LAMC1: variants seen among roughly 807,000 people sequenced by gnomAD.
The protein encoded by LAMC1 is laminin subunit gamma 1.
LAMC1 carries 38 observed loss-of-function variants against 173.6 expected under a neutral mutation model. That is an observed-to-expected ratio of 0.22 (90% CI 0.17 to 0.29). The LOEUF (loss-of-function observed/expected upper bound fraction) is 0.29. Among genes scored for constraint, LAMC1 ranks in the 10% least tolerant of loss-of-function variants. The probability of loss-of-function intolerance (pLI) is 1.00; values close to 1 mark genes in which losing one functional copy is unlikely to be tolerated. For missense variants in LAMC1, 1,824 were observed against 2,051.8 expected (o/e 0.89, Z 2.14); for synonymous variants, 746 against 749.1 (o/e 1.00, Z 0.07).
intron 1 of LAMC1, among the ~76,000 whole-genome samples, chr1:183,052,818 G>A (rs553492248): frequency 1.8e-4 from 28 of 152,278 alleles, no homozygotes; most frequent in Non-Finnish European, 3.2e-4. Flanking sequence ...ATGCTTAAGA[G>A]TGTTCATCAA....
intron 1 of LAMC1, 129 bp downstream of exon 1, chr1:183,024,263 C>A: frequency 1.1e-6 from 1 of 878,962 alleles, no homozygotes; most frequent in Non-Finnish European, 1.7e-6. Context: ...CCGGCATGGG[C>A]CACACAGAAA....
At chr1:183,133,647 C>CT (rs1234395571) in intron 22 of LAMC1, 97 bp downstream of exon 22, 2 of 1,199,370 alleles carry the variant, frequency 1.7e-6, no homozygotes, top group Non-Finnish European at 2.3e-6. Context: ...CTCCCACTGA[C>CT]TCGCTGGTAA....
chr1:183,075,222 G>A (rs886244204), intron 1 of LAMC1, among the ~76,000 whole-genome samples: 1 of 151,258 alleles, frequency 6.6e-6, no homozygotes, highest in African/African-American at 2.4e-5. Context: ...ACCTCTCCAG[G>A]CTCACATGAT....
intron 1 of LAMC1, among the ~76,000 whole-genome samples, chr1:183,087,140 C>T (rs1446379297): frequency 1.3e-5 from 2 of 152,130 alleles, no homozygotes; most frequent in African/African-American, 2.4e-5. Flanking sequence ...CAGGGACTCA[C>T]CCTTATTTTA....
At chr1:183,091,687 T>C (rs1199670202) in intron 1 of LAMC1, among the ~76,000 whole-genome samples, 1 of 152,198 alleles carries the variant, frequency 6.6e-6, no homozygotes, top group Non-Finnish European at 1.5e-5. Context: ...CGACACAGAC[T>C]GGGATTAAAC....
chr1:183,034,201 T>C (rs971827522), intron 1 of LAMC1, among the ~76,000 whole-genome samples: 7 of 152,176 alleles, frequency 4.6e-5, no homozygotes, highest in African/African-American at 1.7e-4. Flanking sequence ...ACTTTTTATA[T>C]CCTAAAGATA....
intron 1 of LAMC1, among the ~76,000 whole-genome samples, chr1:183,040,985 G>A (rs142819737): frequency 6.6e-6 from 1 of 152,318 alleles, no homozygotes; most frequent in African/African-American, 2.4e-5. Context: ...CCAGAATGTT[G>A]ATCTGGTGAC....
chr1:183,083,882 T>C (rs752868169), intron 1 of LAMC1, among the ~76,000 whole-genome samples: 1 of 152,210 alleles, frequency 6.6e-6, no homozygotes, highest in Non-Finnish European at 1.5e-5. Context: ...CATGAATAAA[T>C]TGTGATACAG....
At chr1:183,110,135 G>C (rs530843492) in intron 3 of LAMC1, among the ~76,000 whole-genome samples, 7 of 152,164 alleles carry the variant, frequency 4.6e-5, no homozygotes, top group African/African-American at 1.7e-4. Context: ...TGACAGGGAA[G>C]GGTTTCAAAC....
rs1304791097 is a variant in LAMC1, at chr1:183,126,263, G to A, written c.2944+1G>A. The A allele has an allele frequency of 5.6e-6, 9 of 1,613,176 alleles. No individual in the cohort carries two copies. The highest frequency in any genetic ancestry group is 2.2e-5 in the South Asian group (2 of 90,846). ...GGGTTTGGACCTGAAGGCTGCAAAC[G>A]TAAGGGGTGTTGGTGGCATACAACT... On this transcript the variant is annotated splice_donor_variant, in intron 16 of 27. Coordinates refer to ENST00000258341, the MANE Select transcript of LAMC1 (RefSeq NM_002293.4). LOFTEE classifies it high-confidence loss of function.
At position 183,128,769 on chromosome 1, in the gene LAMC1, T is replaced by G; in HGVS notation, c.3280+19T>G. 6.3e-7 allele frequency: 1 copy of G among 1,578,410 alleles called. No individual in the cohort carries two copies. The highest frequency in any genetic ancestry group is 8.6e-7 in the Non-Finnish European group (1 of 1,158,396). On this transcript the variant is annotated intron_variant, in intron 18 of 27. Coordinates refer to ENST00000258341, the MANE Select transcript of LAMC1 (RefSeq NM_002293.4). ...GTCAAAGGTACGCATGATTGAACAG[T>G]GCATGACTTCTGTGAGATGGACCAA...
At chr1:183,089,002 T>G (rs922833232) in intron 1 of LAMC1, among the ~76,000 whole-genome samples, 1 of 152,172 alleles carries the variant, frequency 6.6e-6, no homozygotes, top group African/African-American at 2.4e-5. Flanking sequence ...GCTGCACAGA[T>G]TCTTAAGCTG....
intron 5 of LAMC1, 146 bp downstream of exon 5, chr1:183,114,865 T>G: frequency 7.5e-6 from 6 of 803,748 alleles, no homozygotes; most frequent in East Asian, 2.7e-5. Context: ...GATCTGTCTC[T>G]ACCCCATGCC....
Position 183,134,830 on chromosome 1 carries a change from G to A in LAMC1, c.3999+21G>A, listed in dbSNP as rs1028150631. ...AGCAGGTTGGTTTGATTTGCAGGTC[G>A]CTTCATTTCTTGAGGCAACATTTGA... is the stretch of plus-strand genomic sequence containing the variant. On this transcript the variant is annotated intron_variant, in intron 23 of 27. Coordinates refer to ENST00000258341, the MANE Select transcript of LAMC1 (RefSeq NM_002293.4). 14 of 1,606,906 alleles carry A rather than the reference G, an allele frequency of 8.7e-6. No individual in the cohort carries two copies. The highest frequency in any genetic ancestry group is 6.7e-5 in the African/African-American group (5 of 74,296).
intron 1 of LAMC1, among the ~76,000 whole-genome samples, chr1:183,049,463 G>GTTTTTTTTTTTTTT (rs67306811): frequency 7.0e-6 from 1 of 143,584 alleles, no homozygotes; most frequent in Non-Finnish European, 1.5e-5. Context: ...AGGTTTTTTT[G>GTTTTTTTTTTTTTT]TTTTTTTTTT....
At chr1:183,108,431 T>G (rs754950588) in intron 3 of LAMC1, 25 bp downstream of exon 3, 25 of 1,602,190 alleles carry the variant, frequency 1.6e-5, no homozygotes, top group Non-Finnish European at 2.0e-5. Flanking sequence ...AAATTAGTCT[T>G]GAAAGTGTTT....
chr1:183,054,661 GT>G (rs1279102960), intron 1 of LAMC1, among the ~76,000 whole-genome samples: 1 of 152,212 alleles, frequency 6.6e-6, no homozygotes, highest in Non-Finnish European at 1.5e-5. Flanking sequence ...TCAGCCTGAA[GT>G]TTACTTAGGT....
chr1:183,046,528 C>T (rs1654271828), intron 1 of LAMC1, among the ~76,000 whole-genome samples: 1 of 152,000 alleles, frequency 6.6e-6, no homozygotes, highest in Admixed American at 6.6e-5. Flanking sequence ...ATGAGCCTTG[C>T]TCTTTTCCTG....
chr1:183,128,602 T>C lies in LAMC1; in HGVS notation c.3132T>C (p.Asp1044=). 6.2e-7 allele frequency: 1 copy of C among 1,608,302 alleles called. No individual in the cohort carries two copies. The highest frequency in any genetic ancestry group is 8.5e-7 in the Non-Finnish European group (1 of 1,176,372). Reference sequence around the variant, plus strand: ...TTCTTCTTTATGTTTAGGTTGCTGATCATAGAGTGAAGCTCCAGGAATTAG... The same window carrying C: ...TTCTTCTTTATGTTTAGGTTGCTGACCATAGAGTGAAGCTCCAGGAATTAG... The part of the protein sequence containing the change: ...CYRLVKDKVA[D]HRVKLQELES... The change falls in exon 18 of 28, where the codon GAT becomes GAC. Residue 1044 remains aspartate (D), a synonymous_variant. Coordinates refer to ENST00000258341, the MANE Select transcript of LAMC1 (RefSeq NM_002293.4).
Sources: gnomAD v4.1 joint callset for allele counts (sites outside exome capture counted in the v4.1 genomes callset) on GRCh38, gnomAD v4.1.1 for gene constraint, MANE v1.5 for transcripts, NCBI Gene and HGNC (gene_info 2026-07-23, HGNC 2026-07-21) for gene names.